The following ERBB4 variants were observed in gnomAD, a reference collection of about 807,000 sequenced individuals.
ERBB4 encodes erb-b2 receptor tyrosine kinase 4.
In ERBB4, 42 loss-of-function variants were observed where a neutral mutation model predicts 158.0. That is an observed-to-expected ratio of 0.27 (90% CI 0.21 to 0.34). The LOEUF is 0.34. ERBB4 is among the 10% of genes least tolerant of loss of function. The probability of loss-of-function intolerance (pLI) is 1.00; values close to 1 mark genes in which losing one functional copy is unlikely to be tolerated. For missense variants in ERBB4, 1,333 were observed against 1,624.1 expected, an observed-to-expected ratio of 0.82 and a Z score of 3.08; for synonymous variants, 583 against 558.7, an observed-to-expected ratio of 1.04 and a Z score of -0.61.
At chr2:211,969,113 T>C (rs954241167) in intron 2 of ERBB4, among the ~76,000 whole-genome samples, 3 of 152,006 alleles carry the variant, frequency 2.0e-5, no homozygotes, top group Non-Finnish European at 2.9e-5. Flanking sequence ...TAAGTCATAC[T>C]GAAGGTAGAA....
intron 1 of ERBB4, among the ~76,000 whole-genome samples, chr2:212,168,396 T>C (rs2081414715): frequency 6.6e-6 from 1 of 152,156 alleles, no homozygotes; most frequent in Non-Finnish European, 1.5e-5. Flanking sequence ...TCTCTTTTCT[T>C]CAATGATGCT....
chr2:211,378,234 C>A lies in ERBB4; in HGVS notation c.*5381G>T, dbSNP rs2062513182. 1 of 232,830 alleles carries A rather than the reference C, an allele frequency of 4.3e-6. No homozygotes were observed. The highest frequency in any genetic ancestry group is 8.5e-6 in the Non-Finnish European group (1 of 117,622). 14.4% of individuals were successfully genotyped at this position (232,830 alleles called of 1,614,324 possible). ...ATCACTTACTTGCAAAGCTGACTGT[C>A]AAAGAGTATTTTCCAGAGGAAGCAT... On this transcript the variant is annotated 3_prime_UTR_variant, in exon 28 of 28. Transcript: ENST00000342788.
intron 1 of ERBB4, among the ~76,000 whole-genome samples, chr2:212,452,358 GA>G (rs1465581793): frequency 6.7e-6 from 1 of 150,310 alleles, no homozygotes; most frequent in Non-Finnish European, 1.5e-5. Context: ...CTTTGTATAT[GA>G]AAACATTTGT....
chr2:211,981,901 T>C (rs1321227987), intron 2 of ERBB4, among the ~76,000 whole-genome samples: 1 of 152,140 alleles, frequency 6.6e-6, no homozygotes, highest in Non-Finnish European at 1.5e-5. Flanking sequence ...TGGATAAAAA[T>C]AGCTCTTTTA....
chr2:211,831,687 A>T (rs2077223057), intron 3 of ERBB4, among the ~76,000 whole-genome samples: 2 of 152,120 alleles, frequency 1.3e-5, no homozygotes, highest in Non-Finnish European at 2.9e-5. Flanking sequence ...GGATCACCTG[A>T]GGTCAGGAGT....
chr2:212,294,945 G>A (rs1220918100), intron 1 of ERBB4, among the ~76,000 whole-genome samples: 1 of 152,082 alleles, frequency 6.6e-6, no homozygotes, highest in East Asian at 1.9e-4. Context: ...CAGGCATGAA[G>A]CCTTTGCCAT....
intron 3 of ERBB4, among the ~76,000 whole-genome samples, chr2:211,831,754 T>C (rs1415137630): frequency 6.6e-6 from 1 of 151,868 alleles, no homozygotes; most frequent in Non-Finnish European, 1.5e-5. Flanking sequence ...ATACAAAAAA[T>C]TAGCCAGGCG....
chr2:211,712,611 G>C (rs1045794347), intron 8 of ERBB4, among the ~76,000 whole-genome samples: 6 of 152,054 alleles, frequency 3.9e-5, no homozygotes, highest in African/African-American at 1.4e-4. Context: ...TCTACAACCT[G>C]CAATTTTAAA....
rs960920798 is a variant in ERBB4, at chr2:211,376,001, GA to G, written c.*7613del. ...AAATAACAACAGGAATGAGGGAAAG[GA>G]AGGAGGATGGGTAAAAGGTTGGAGG... is the stretch of plus-strand genomic sequence containing the variant. On this transcript the variant is annotated 3_prime_UTR_variant, in exon 28 of 28. Transcript: ENST00000342788. The G allele has an allele frequency of 3.9e-5, 9 of 232,882 alleles. No homozygotes were observed. The highest frequency in any genetic ancestry group is 2.0e-4 in the African/African-American group (9 of 45,280). 14.4% of individuals were successfully genotyped at this position (232,882 alleles called of 1,614,324 possible).
intron 1 of ERBB4, among the ~76,000 whole-genome samples, chr2:212,482,296 C>A (rs1021087425): frequency 6.6e-6 from 1 of 152,184 alleles, no homozygotes; most frequent in African/African-American, 2.4e-5. Flanking sequence ...AAATCCACAA[C>A]TGAGTTTTCT....
chr2:211,673,390 G>C, intron 13 of ERBB4, 133 bp from the exon 14 acceptor site: 1 of 708,262 alleles, frequency 1.4e-6, no homozygotes, highest in South Asian at 1.5e-5. Context: ...AGGAGCATCA[G>C]AAACATTAAG....
At chr2:211,888,899 C>G (rs906718176) in intron 3 of ERBB4, among the ~76,000 whole-genome samples, 1 of 151,694 alleles carries the variant, frequency 6.6e-6, no homozygotes, top group African/African-American at 2.4e-5. Context: ...GAGGGTCCTA[C>G]GCCCACGGAG....
intron 19 of ERBB4, among the ~76,000 whole-genome samples, chr2:211,603,209 C>T (rs531497778): frequency 3.3e-5 from 5 of 151,862 alleles, no homozygotes; most frequent in East Asian, 1.9e-4. Flanking sequence ...GCAGCCCGGG[C>T]GACAGAGCAA....
At chr2:212,102,090 T>TTATATATATATATATATA (rs57567965) in intron 2 of ERBB4, among the ~76,000 whole-genome samples, 3,307 of 107,494 alleles carry the variant, frequency 0.031, 186 homozygotes, top group Non-Finnish European at 0.05. Flanking sequence ...AAAATTTATT[T>TTATATATATATATATATA]TATATATATA....
chr2:212,315,169 G>T (rs553816270), intron 1 of ERBB4, among the ~76,000 whole-genome samples: 1 of 151,296 alleles, frequency 6.6e-6, no homozygotes, highest in East Asian at 2.0e-4. Context: ...CTTTACTGCT[G>T]TTACACATAA....
At chr2:212,113,121 C>T (rs1239517877) in intron 2 of ERBB4, among the ~76,000 whole-genome samples, 6 of 151,966 alleles carry the variant, frequency 3.9e-5, no homozygotes, top group African/African-American at 1.2e-4. Flanking sequence ...AAATACAGAT[C>T]GAATTTGGGG....
intron 20 of ERBB4, among the ~76,000 whole-genome samples, chr2:211,499,467 G>A (rs866212359): frequency 6.6e-6 from 1 of 152,034 alleles, no homozygotes; most frequent in Non-Finnish European, 1.5e-5. Flanking sequence ...AGGTTGCAGT[G>A]AGCCGAGATA....
In ERBB4 at chr2:211,382,058, G is replaced by T. The variant is rs2062582129; in HGVS notation, c.*1557C>A. 1 of 229,344 alleles carries T rather than the reference G, an allele frequency of 4.4e-6. No individual in the cohort carries two copies. Among genetic ancestry groups the T allele is most frequent in the African/African-American group, 2.2e-5 (1 of 45,126 alleles). The allele number at this position is 229,344 out of a possible 1,614,324, so 14.2% of individuals were successfully genotyped here. A position where few individuals can be genotyped will look rare whatever the true frequency, so the allele number is the denominator to read the frequency against. On this transcript the variant is annotated 3_prime_UTR_variant, in exon 28 of 28. Coordinates refer to ENST00000342788, the MANE Select transcript of ERBB4 (RefSeq NM_005235.3). ...AAGGGAATTATATAAAGTATCAAAAGATTAGTGTGTTGGATAATAAAATAA... is the reference window on the plus strand; with the variant it reads ...AAGGGAATTATATAAAGTATCAAAATATTAGTGTGTTGGATAATAAAATAA...
At chr2:211,428,540 T>C in intron 21 of ERBB4, 57 bp from the exon 22 acceptor site, 1 of 943,276 alleles carries the variant, frequency 1.1e-6, no homozygotes, top group Non-Finnish European at 1.7e-6. Flanking sequence ...CATTTCTATA[T>C]GTATTTCCTA....
Sources: gnomAD v4.1 joint callset for allele counts (sites outside exome capture counted in the v4.1 genomes callset) on GRCh38, gnomAD v4.1.1 for gene constraint, MANE v1.5 for transcripts, NCBI Gene and HGNC (gene_info 2026-07-23, HGNC 2026-07-21) for gene names.